Variants in IQSEC1 observed in about 807,000 individuals in gnomAD.
IQSEC1 encodes the protein IQ motif and Sec7 domain ArfGEF 1.
Under a neutral mutation model 91.0 loss-of-function variants are expected in IQSEC1, and 31 were observed. The ratio of observed to expected loss-of-function variants is 0.34; its 90% CI spans 0.26 to 0.46. The LOEUF (loss-of-function observed/expected upper bound fraction) is 0.46. IQSEC1 is among the 20% of genes least tolerant of loss of function. The pLI is 1.00. For missense variants in IQSEC1, 1,388 were observed against 1,575.6 expected (o/e 0.88, Z 2.02); for synonymous variants, 699 against 662.6 (o/e 1.05, Z -0.84).
At chr3:13,055,704 C>A (rs1235120960) in intron 1 of IQSEC1, among the ~76,000 whole-genome samples, 1 of 152,222 alleles carries the variant, frequency 6.6e-6, no homozygotes, top group Non-Finnish European at 1.5e-5. Flanking sequence ...CAGGGGGCTG[C>A]CCCCACTAAC....
At position 12,935,903 on chromosome 3, in the gene IQSEC1, G is replaced by A; in HGVS notation, c.1113C>T (p.Pro371=). The A allele has an allele frequency of 1.9e-6, 3 of 1,602,956 alleles. No homozygotes were observed. Among genetic ancestry groups the A allele is most frequent in the Non-Finnish European group, 2.5e-6 (3 of 1,179,644 alleles). ...EHLPLLTIEP[P]SDSSVDLSDR... ...CACTAAGGTCCACAGAGCTGTCGCT[G>A]GGTGGCTCGATGGTGAGCAGCGGCA... Residue 371 remains proline (P), a synonymous_variant, in exon 3 of 14, where the codon CCC becomes CCT. Coordinates refer to ENST00000613206, the MANE Select transcript of IQSEC1 (RefSeq NM_001134382.3). This position sits in a 1 kb window ranked among gnomAD's most constrained non-coding sequence, Gnocchi z 8.0.
chr3:13,217,634 T>C (rs927238117), intron 1 of IQSEC1, among the ~76,000 whole-genome samples: 1 of 152,218 alleles, frequency 6.6e-6, no homozygotes, highest in East Asian at 1.9e-4. Context: ...CTTGATTCAT[T>C]CTAGGCCCCA....
intron 2 of IQSEC1, among the ~76,000 whole-genome samples, chr3:13,126,754 T>C (rs1046025908): frequency 1.3e-5 from 2 of 152,242 alleles, no homozygotes; most frequent in Non-Finnish European, 2.9e-5. Flanking sequence ...GGTTTTAATT[T>C]GCACTTCTTT....
intron 1 of IQSEC1, among the ~76,000 whole-genome samples, chr3:13,061,936 G>C (rs764256377): frequency 2.0e-5 from 3 of 152,222 alleles, no homozygotes; most frequent in Non-Finnish European, 4.4e-5. Context: ...CTTGGGGATG[G>C]AGATGGTTTC....
intron 1 of IQSEC1, among the ~76,000 whole-genome samples, chr3:13,037,302 T>C (rs915984497): frequency 2.6e-5 from 4 of 151,746 alleles, no homozygotes; most frequent in Admixed American, 2.0e-4. Flanking sequence ...AAACCCTCCA[T>C]AAATGCCCGC....
chr3:13,281,255 C>T (rs1312758631), intron 1 of IQSEC1, among the ~76,000 whole-genome samples: 4 of 152,232 alleles, frequency 2.6e-5, no homozygotes, highest in South Asian at 2.1e-4. Flanking sequence ...AGACCAGCTC[C>T]GGGAGACCCA....
Position 13,214,747 on chromosome 3 carries a change from T to C in IQSEC1, c.273-50614A>G. ...GTGTTGAGGTCTCAGCTGGGCACCATGCCTGACCATGCAGCTGGTTTTCTG... is the reference window on the plus strand; with the variant it reads ...GTGTTGAGGTCTCAGCTGGGCACCACGCCTGACCATGCAGCTGGTTTTCTG... On this transcript the variant is annotated intron_variant, in intron 1 of 15. Transcript: ENST00000648114. The surrounding 1 kb of genome is among the most constrained non-coding windows in gnomAD (Gnocchi z 4.5). 6.6e-6 allele frequency among the ~76,000 whole-genome samples: 1 copy of C among 152,230 alleles called. No individual in the cohort carries two copies. Among genetic ancestry groups the C allele is most frequent in the East Asian group, 1.9e-4 (1 of 5,190 alleles).
intron 1 of IQSEC1, among the ~76,000 whole-genome samples, chr3:12,975,248 G>GC (rs1404955707): frequency 7.9e-5 from 12 of 152,238 alleles, no homozygotes; most frequent in Non-Finnish European, 1.5e-4. Context: ...GAGTGAGTAA[G>GC]CACCTTTTCC....
intron 1 of IQSEC1, among the ~76,000 whole-genome samples, chr3:13,240,059 A>G (rs940849589): frequency 2.0e-5 from 3 of 150,796 alleles, no homozygotes; most frequent in East Asian, 3.9e-4. Flanking sequence ...ACAATTCAAC[A>G]TCTACAACTT....
At chr3:12,973,915 C>T (rs1701028796) in intron 1 of IQSEC1, among the ~76,000 whole-genome samples, 1 of 152,124 alleles carries the variant, frequency 6.6e-6, no homozygotes, top group African/African-American at 2.4e-5. Flanking sequence ...CTTTCCCCAG[C>T]TCCTTCTGCA....
chr3:13,131,127 T>C (rs982086105), intron 2 of IQSEC1, among the ~76,000 whole-genome samples: 3 of 152,140 alleles, frequency 2.0e-5, no homozygotes, highest in African/African-American at 7.2e-5. Context: ...TTTGCTGTCC[T>C]GTCAATTTTG....
At chr3:13,091,379 CA>C (rs1705858630) in intron 2 of IQSEC1, among the ~76,000 whole-genome samples, 1 of 152,338 alleles carries the variant, frequency 6.6e-6, no homozygotes. Context: ...AGCAGATGCT[CA>C]AAAAATATTT....
At chr3:13,219,407 G>A (rs1694613958) in intron 1 of IQSEC1, among the ~76,000 whole-genome samples, 1 of 152,178 alleles carries the variant, frequency 6.6e-6, no homozygotes, top group Non-Finnish European at 1.5e-5. Context: ...AGCCCCCCAG[G>A]GAGCTCCCCA....
chr3:13,133,581 G>A (rs113532792), intron 2 of IQSEC1, among the ~76,000 whole-genome samples: 1,946 of 152,340 alleles, frequency 0.013, 45 homozygotes, highest in African/African-American at 0.044. Context: ...CTTGCTGAAG[G>A]GCCACTGCTG....
At chr3:13,145,350 C>T (rs1180624800) in intron 2 of IQSEC1, among the ~76,000 whole-genome samples, 1 of 152,218 alleles carries the variant, frequency 6.6e-6, no homozygotes, top group Non-Finnish European at 1.5e-5. Flanking sequence ...CCACCCCTAA[C>T]AGAATGTTGA....
chr3:13,163,255 T>C (rs549219099), intron 2 of IQSEC1, among the ~76,000 whole-genome samples: 52 of 152,172 alleles, frequency 3.4e-4, no homozygotes, highest in African/African-American at 1.3e-3. Flanking sequence ...CCAGCTGGCA[T>C]CCTCACGGCC....
At chr3:12,947,300 G>A (rs763042404) in intron 1 of IQSEC1, among the ~76,000 whole-genome samples, 1 of 152,176 alleles carries the variant, frequency 6.6e-6, no homozygotes, top group Non-Finnish European at 1.5e-5. Context: ...AGGTGTGCAA[G>A]CTGCGGCAGG....
chr3:12,929,824 G>C (rs1213744049), intron 3 of IQSEC1, among the ~76,000 whole-genome samples: 1 of 152,196 alleles, frequency 6.6e-6, no homozygotes, highest in Non-Finnish European at 1.5e-5. Context: ...AAATGCCCCA[G>C]CAGGCAGTGT....
Position 13,110,010 on chromosome 3 carries a change from G to A in IQSEC1, c.302+54094C>T, listed in dbSNP as rs571120400. Among the ~76,000 whole-genome samples, 101 of 150,324 alleles carry A rather than the reference G, an allele frequency of 6.7e-4. 2 individuals are homozygous for A. The South Asian group carries it at 0.021, about 31-fold the overall frequency. On this transcript the variant is annotated intron_variant, in intron 2 of 15. Transcript: ENST00000648114. ...CGATTCTCCTGCCTCAGCCTCCCCA[G>A]TAGCTGAGATTACAGATGGGCACCA...
Sources: allele counts gnomAD v4.1 joint callset (sites outside exome capture counted in the v4.1 genomes callset), GRCh38; gene constraint gnomAD v4.1.1; non-coding constraint Gnocchi (gnomAD v3.1); transcripts MANE v1.5; gene names NCBI Gene and HGNC (gene_info 2026-07-23, HGNC 2026-07-21).